Variants in PTPRR observed in about 807,000 individuals in gnomAD.
PTPRR encodes protein tyrosine phosphatase receptor type R.
PTPRR carries 38 observed loss-of-function variants against 77.2 expected under a neutral mutation model. The ratio of observed to expected loss-of-function variants is 0.49; its 90% confidence interval spans 0.38 to 0.65. The LOEUF is 0.65. PTPRR is among the 30% of genes least tolerant of loss of function. PTPRR has a pLI of 0.00. For missense variants in PTPRR, 744 were observed against 799.2 expected, an observed-to-expected ratio of 0.93 and a Z score of 0.83; for synonymous variants, 299 against 283.1, an observed-to-expected ratio of 1.06 and a Z score of -0.57.
intron 2 of PTPRR, among the ~76,000 whole-genome samples, chr12:70,817,724 G>A (rs1305205395): frequency 6.6e-6 from 1 of 152,164 alleles, no homozygotes; most frequent in African/African-American, 2.4e-5. Flanking sequence ...CTCTAAGAAA[G>A]GAGATGTGAA....
intron 2 of PTPRR, 120 bp downstream of exon 2, chr12:70,892,559 T>C: frequency 1.7e-6 from 2 of 1,163,612 alleles, no homozygotes; most frequent in Non-Finnish European, 2.4e-6. Context: ...ATAAGTGCTG[T>C]GGTACATACC....
chr12:70,663,470 G>A (rs979522993), intron 10 of PTPRR, among the ~76,000 whole-genome samples: 1 of 152,138 alleles, frequency 6.6e-6, no homozygotes, highest in African/African-American at 2.4e-5. Context: ...CTTACAACAT[G>A]TTATTATTGC....
At chr12:70,902,285 A>G (rs1893549960) in intron 1 of PTPRR, among the ~76,000 whole-genome samples, 1 of 151,836 alleles carries the variant, frequency 6.6e-6, no homozygotes, top group Non-Finnish European at 1.5e-5. Flanking sequence ...AAGTAGAACT[A>G]CTGTTTGATT....
chr12:70,818,260 T>G (rs370621019), intron 2 of PTPRR, among the ~76,000 whole-genome samples: 4 of 117,800 alleles, frequency 3.4e-5, no homozygotes, highest in African/African-American at 6.3e-5. Context: ...AAAAAGAAAA[T>G]AAATTTGTGA....
intron 2 of PTPRR, among the ~76,000 whole-genome samples, chr12:70,852,117 G>C (rs1437140776): frequency 6.6e-6 from 1 of 152,110 alleles, no homozygotes; most frequent in African/African-American, 2.4e-5. Flanking sequence ...GGGAGCTGAA[G>C]GGTGTGCAGG....
chr12:70,815,174 A>G (rs1416583063), intron 2 of PTPRR, among the ~76,000 whole-genome samples: 1 of 144,446 alleles, frequency 6.9e-6, no homozygotes, highest in Non-Finnish European at 1.5e-5. Context: ...TAGAAAAAAA[A>G]TTGCAATGTC....
At chr12:70,879,525 T>C (rs906081080) in intron 2 of PTPRR, among the ~76,000 whole-genome samples, 2 of 152,220 alleles carry the variant, frequency 1.3e-5, no homozygotes, top group Non-Finnish European at 2.9e-5. Flanking sequence ...CTGTTACCAC[T>C]GCCTCAAGCT....
chr12:70,672,588 G>A (rs1198656890), intron 10 of PTPRR: 21 of 1,443,752 alleles, frequency 1.5e-5, no homozygotes, highest in Non-Finnish European at 1.9e-5. Context: ...TGGTGACCAA[G>A]GACAGTGTAG....
At position 70,678,988 on chromosome 12, in the gene PTPRR, T is replaced by G. The variant is rs186912209; in HGVS notation, c.1497+5139A>C. 1.3e-3 allele frequency among the ~76,000 whole-genome samples: 197 copies of G among 152,328 alleles called. 1 individual carries two copies. Among genetic ancestry groups the G allele is most frequent in the African/African-American group, 4.6e-3 (192 of 41,582 alleles). ...TAAGCCACGCTGCCCAGCCTGTTCTTGTTTTTCTAGTTCCTTGAGGTGTGT... is the reference window on the plus strand; with the variant it reads ...TAAGCCACGCTGCCCAGCCTGTTCTGGTTTTTCTAGTTCCTTGAGGTGTGT... On this transcript the variant is annotated intron_variant, in intron 10 of 13. Coordinates refer to ENST00000283228, the MANE Select transcript of PTPRR (RefSeq NM_002849.4).
At chr12:70,868,407 A>C (rs1343658527) in intron 2 of PTPRR, among the ~76,000 whole-genome samples, 1 of 152,000 alleles carries the variant, frequency 6.6e-6, no homozygotes, top group Non-Finnish European at 1.5e-5. Context: ...AAAAGAAGAC[A>C]TTTATGCAGC....
At chr12:70,784,458 C>A (rs11178418) in intron 2 of PTPRR, among the ~76,000 whole-genome samples, 3 of 152,136 alleles carry the variant, frequency 2.0e-5, no homozygotes, top group Non-Finnish European at 2.9e-5. Context: ...CGGAGCTCCC[C>A]CTGTGGCCCG....
intron 2 of PTPRR, among the ~76,000 whole-genome samples, chr12:70,878,568 T>G (rs1236068743): frequency 1.3e-5 from 2 of 152,032 alleles, no homozygotes; most frequent in Non-Finnish European, 2.9e-5. Flanking sequence ...CTCACACCAG[T>G]TAGAATGGTG....
At chr12:70,868,630 G>C (rs943954412) in intron 2 of PTPRR, among the ~76,000 whole-genome samples, 8 of 152,020 alleles carry the variant, frequency 5.3e-5, no homozygotes, top group African/African-American at 1.9e-4. Context: ...TCAGTGTGGC[G>C]ATTCCTCAGG....
chr12:70,804,731 CT>C (rs1891679215), intron 2 of PTPRR, among the ~76,000 whole-genome samples: 1 of 152,198 alleles, frequency 6.6e-6, no homozygotes, highest in Non-Finnish European at 1.5e-5. Flanking sequence ...TGGTTCCTGG[CT>C]TCCACCACAC....
intron 2 of PTPRR, among the ~76,000 whole-genome samples, chr12:70,822,137 T>C (rs1328447128): frequency 9.2e-5 from 14 of 152,204 alleles, no homozygotes; most frequent in Non-Finnish European, 1.9e-4. Flanking sequence ...TGGTGTTGGA[T>C]GTTGCAGAAA....
In PTPRR at chr12:70,821,730, C is replaced by T. The variant is rs183036921; in HGVS notation, c.358-56952G>A. Among the ~76,000 whole-genome samples the T allele has an allele frequency of 5.7e-4, 86 of 152,074 alleles. No homozygotes were observed. In the East Asian group the frequency reaches 0.017, roughly 29 times the overall value. On this transcript the variant is annotated intron_variant, in intron 2 of 13. Coordinates refer to ENST00000283228, the MANE Select transcript of PTPRR (RefSeq NM_002849.4). ...AGGCTGGAGTGCAGTGGAACGATCT[C>T]GGCTCACCACTGCAAGCTCCGCCTC...
chr12:70,740,530 G>C (rs1452192348), intron 6 of PTPRR, among the ~76,000 whole-genome samples: 1 of 152,008 alleles, frequency 6.6e-6, no homozygotes, highest in Admixed American at 6.5e-5. Flanking sequence ...GCACCACCAT[G>C]CCTGGCTAAT....
At chr12:70,690,003 C>T (rs756729503) in intron 8 of PTPRR, among the ~76,000 whole-genome samples, 4 of 152,134 alleles carry the variant, frequency 2.6e-5, no homozygotes, top group Non-Finnish European at 5.9e-5. Context: ...GGAAGTGATG[C>T]GCGTGACTTT....
chr12:70,752,392 A>G (rs1890429852), intron 5 of PTPRR, among the ~76,000 whole-genome samples: 1 of 152,184 alleles, frequency 6.6e-6, no homozygotes, highest in South Asian at 2.1e-4. Context: ...TTTTGCAAAT[A>G]TTGGGAAAAG....
Sources: gnomAD v4.1 joint callset for allele counts (sites outside exome capture counted in the v4.1 genomes callset) on GRCh38, gnomAD v4.1.1 for gene constraint, MANE v1.5 for transcripts, NCBI Gene and HGNC (gene_info 2026-07-23, HGNC 2026-07-21) for gene names.